The following CORO2B variants were observed in gnomAD, a reference collection of about 807,000 sequenced individuals.
CORO2B encodes the protein coronin 2B.
In CORO2B, 26 loss-of-function variants were observed where a neutral mutation model predicts 58.8. The observed-to-expected ratio is 0.44, with a 90% confidence interval of 0.32 to 0.61. The LOEUF is 0.61. Among genes scored for constraint, CORO2B ranks in the 20% least tolerant of loss-of-function variants. The pLI is 0.04. For synonymous variants in CORO2B, 242 were observed against 253.8 expected, an observed-to-expected ratio of 0.95 and a Z score of 0.44; for missense variants, 460 against 645.1, an observed-to-expected ratio of 0.71 and a Z score of 3.11.
At chr15:68,663,894 T>C (rs760808610) in intron 2 of CORO2B, among the ~76,000 whole-genome samples, 18 of 152,246 alleles carry the variant, frequency 1.2e-4, no homozygotes, top group Non-Finnish European at 2.4e-4. Flanking sequence ...CATTTATTTT[T>C]GTGTGAATTG....
chr15:68,563,049 A>G, the CORO2B span, among the ~76,000 whole-genome samples: 10 of 152,030 alleles, frequency 6.6e-5, no homozygotes, highest in Non-Finnish European at 1.5e-4. Flanking sequence ...CATTGAAAAC[A>G]GTGGTTAGAA....
chr15:68,639,609 G>A (rs937196626), intron 1 of CORO2B, among the ~76,000 whole-genome samples: 5 of 152,148 alleles, frequency 3.3e-5, no homozygotes, highest in Non-Finnish European at 7.4e-5. Flanking sequence ...ATTATCTCAG[G>A]GCTGGAAGGC....
At chr15:68,519,949 T>A in the CORO2B span, among the ~76,000 whole-genome samples, 1 of 152,246 alleles carries the variant, frequency 6.6e-6, no homozygotes, top group Admixed American at 6.5e-5. Flanking sequence ...CAGCTTTAGT[T>A]CCATAAGTTT....
At chr15:68,702,365 C>G (rs1211983075) in intron 3 of CORO2B, among the ~76,000 whole-genome samples, 3 of 152,154 alleles carry the variant, frequency 2.0e-5, no homozygotes, top group Non-Finnish European at 4.4e-5. Context: ...CATGCATCCT[C>G]TAGCAACCCC....
chr15:68,557,659 G>A, the CORO2B span, among the ~76,000 whole-genome samples: 316 of 152,362 alleles, frequency 2.1e-3, no homozygotes, highest in Non-Finnish European at 3.6e-3. Flanking sequence ...ACTGTGCTAA[G>A]CACTTTATAT....
intron 2 of CORO2B, among the ~76,000 whole-genome samples, chr15:68,646,930 C>A (rs1236534549): frequency 2.0e-5 from 3 of 152,150 alleles, no homozygotes; most frequent in Non-Finnish European, 4.4e-5. Context: ...ATCACTGTTG[C>A]CTCAGGGACG....
intron 2 of CORO2B, among the ~76,000 whole-genome samples, chr15:68,647,033 G>GCTC: frequency 6.6e-6 from 1 of 152,168 alleles, no homozygotes; most frequent in Non-Finnish European, 1.5e-5. Context: ...ACCCTGCCAT[G>GCTC]CTCCACTTTA....
intron 1 of CORO2B, chr15:68,616,560 GC>G: frequency 2.0e-6 from 2 of 985,464 alleles, no homozygotes; most frequent in Non-Finnish European, 2.4e-6. Flanking sequence ...CCTGCTGGGT[GC>G]CGTGGGCCAT....
the CORO2B span, among the ~76,000 whole-genome samples, chr15:68,566,124 G>A: frequency 5.3e-5 from 8 of 152,326 alleles, no homozygotes; most frequent in East Asian, 1.2e-3. Context: ...GGAGAAAGAG[G>A]ATCCTTTCTA....
upstream of CORO2B, among the ~76,000 whole-genome samples, chr15:68,575,682 C>T (rs748107199): frequency 6.7e-6 from 1 of 150,008 alleles, no homozygotes; most frequent in Non-Finnish European, 1.5e-5. Context: ...CCTTCTCAAC[C>T]GCACTACTCC....
At chr15:68,568,295 A>C in the CORO2B span, among the ~76,000 whole-genome samples, 12 of 141,160 alleles carry the variant, frequency 8.5e-5, no homozygotes, top group South Asian at 1.1e-3. Context: ...ACAATGCTTC[A>C]TTTTCTCATC....
At chr15:68,615,595 G>T (rs74020253) in intron 1 of CORO2B, among the ~76,000 whole-genome samples, 2 of 152,118 alleles carry the variant, frequency 1.3e-5, no homozygotes, top group Non-Finnish European at 2.9e-5. Flanking sequence ...TGGGGTGATT[G>T]GTCATTAACC....
intron 8 of CORO2B, among the ~76,000 whole-genome samples, chr15:68,716,843 G>T (rs185200237): frequency 2.6e-5 from 4 of 151,326 alleles, no homozygotes; most frequent in Admixed American, 6.6e-5. Context: ...AGCAGGAGAT[G>T]GGGGGAGGAT....
At chr15:68,606,874 C>T (rs1279131113) in intron 1 of CORO2B, among the ~76,000 whole-genome samples, 2 of 152,146 alleles carry the variant, frequency 1.3e-5, no homozygotes, top group East Asian at 1.9e-4. Context: ...AGCTGTTTCA[C>T]AGGGCAGGCA....
chr15:68,584,103 C>A (rs1023407746), intron 1 of CORO2B, among the ~76,000 whole-genome samples: 2 of 152,296 alleles, frequency 1.3e-5, no homozygotes, highest in East Asian at 3.9e-4. Context: ...GGATCCAGGA[C>A]CTTAGAGGAG....
chr15:68,603,071 G>C lies in CORO2B; in HGVS notation c.15+23794G>C, dbSNP rs1900023563. Among the ~76,000 whole-genome samples, 4 of 152,144 alleles carry C rather than the reference G, an allele frequency of 2.6e-5. No individual in the cohort carries two copies. The South Asian group carries it at 8.3e-4, about 31-fold the overall frequency. The stretch of plus-strand genomic sequence containing the variant: ...GGATGGGTCTGTCAACGGTCTGTTA[G>C]GATAGGAGGTGAGAGACATTGGTTG... On this transcript the variant is annotated intron_variant, in intron 1 of 11. Transcript: ENST00000261861.
chr15:68,709,046 T>G (rs2140325442), intron 3 of CORO2B, among the ~76,000 whole-genome samples: 1 of 152,376 alleles, frequency 6.6e-6, no homozygotes, highest in East Asian at 1.9e-4. Context: ...AATTGACTAG[T>G]ATTACATATT....
intron 1 of CORO2B, among the ~76,000 whole-genome samples, chr15:68,606,825 A>G (rs1409809734): frequency 6.6e-6 from 1 of 152,132 alleles, no homozygotes; most frequent in African/African-American, 2.4e-5. Context: ...TTTCTTGAGC[A>G]TGGAGGGGTG....
the CORO2B span, among the ~76,000 whole-genome samples, chr15:68,545,272 T>C: frequency 6.6e-6 from 1 of 152,220 alleles, no homozygotes; most frequent in Non-Finnish European, 1.5e-5. Context: ...GGGTGTTTAA[T>C]TCATTTATTT....
Sources: gnomAD v4.1 joint callset for allele counts (sites outside exome capture counted in the v4.1 genomes callset) on GRCh38, gnomAD v4.1.1 for gene constraint, MANE v1.5 for transcripts, NCBI Gene and HGNC (gene_info 2026-07-23, HGNC 2026-07-21) for gene names.